Variants in ACAP2 observed in about 807,000 individuals in gnomAD.
ACAP2 encodes arf-GAP with coiled-coil, ANK repeat and PH domain-containing protein 2.
ACAP2 carries 39 observed loss-of-function variants against 115.8 expected under a neutral mutation model. The ratio of observed to expected loss-of-function variants is 0.34; its 90% CI spans 0.26 to 0.44. The LOEUF is 0.44. Among genes scored for constraint, ACAP2 ranks in the 20% least tolerant of loss-of-function variants. ACAP2 has a pLI of 1.00. For synonymous variants in ACAP2, 289 were observed against 315.8 expected, an observed-to-expected ratio of 0.92 and a Z score of 0.90; for missense variants, 662 against 927.6, an observed-to-expected ratio of 0.71 and a Z score of 3.72.
In ACAP2 at chr3:195,356,247, C is replaced by T. The variant is rs753311685; in HGVS notation, c.286-10930G>A. 40 of 454,208 alleles carry T rather than the reference C, an allele frequency of 8.8e-5. 1 individual carries two copies. The highest frequency in any genetic ancestry group is 6.6e-4 in the Admixed American group (28 of 42,454). The allele number at this position is 454,208 out of a possible 1,614,324, so 28.1% of individuals were successfully genotyped here. ...AGCCGGAACGCAGTGCTGCCAATCCCGGCAGAACTCAGCCAATGCCAATGA... is the reference window on the plus strand; with the variant it reads ...AGCCGGAACGCAGTGCTGCCAATCCTGGCAGAACTCAGCCAATGCCAATGA... On this transcript the variant is annotated intron_variant, in intron 4 of 22. Coordinates refer to ENST00000326793, the MANE Select transcript of ACAP2 (RefSeq NM_012287.6).
At position 195,330,529 on chromosome 3, in the gene ACAP2, C is replaced by A. The variant is rs547560116; in HGVS notation, c.669+2499G>T. 2.6e-5 allele frequency among the ~76,000 whole-genome samples: 4 copies of A among 152,236 alleles called. No individual in the cohort carries two copies. In the South Asian group the frequency reaches 8.3e-4, roughly 32 times the overall value. On this transcript the variant is annotated intron_variant, in intron 8 of 22. Coordinates refer to ENST00000326793, the MANE Select transcript of ACAP2 (RefSeq NM_012287.6). Reference sequence around the variant, plus strand: ...AATTACACTGAACATAAGATGAGAGCGCAATCTAATATTTGATAGTGTGTG... The same window carrying A: ...AATTACACTGAACATAAGATGAGAGAGCAATCTAATATTTGATAGTGTGTG...
intron 1 of ACAP2, among the ~76,000 whole-genome samples, chr3:195,415,028 A>C (rs888709657): frequency 6.6e-6 from 1 of 152,194 alleles, no homozygotes. Flanking sequence ...CAGCGAAACT[A>C]ACTGCATGAT....
chr3:195,422,017 G>C (rs1423410653), intron 1 of ACAP2, among the ~76,000 whole-genome samples: 2 of 152,030 alleles, frequency 1.3e-5, no homozygotes, highest in Non-Finnish European at 2.9e-5. Flanking sequence ...TTGGATACCA[G>C]ACAACTTTCA....
intron 1 of ACAP2, among the ~76,000 whole-genome samples, chr3:195,405,908 T>C (rs973311532): frequency 6.6e-6 from 1 of 152,030 alleles, no homozygotes; most frequent in African/African-American, 2.4e-5. Flanking sequence ...AAACAGATCT[T>C]GTGAGAACTT....
intron 6 of ACAP2, among the ~76,000 whole-genome samples, chr3:195,338,209 G>C (rs537832984): frequency 6.6e-6 from 1 of 152,232 alleles, no homozygotes; most frequent in East Asian, 1.9e-4. Context: ...GTAAATTCTA[G>C]TGAGACCAGG....
Position 195,393,888 on chromosome 3 carries a change from G to A in ACAP2, c.54-1741C>T, listed in dbSNP as rs868017368. On this transcript the variant is annotated intron_variant, in intron 1 of 22. Transcript: ENST00000326793. Reference sequence around the variant, plus strand: ...GCACAGGATAGAGTATTATATTGGGGGGGGGGGAAGCAAGCTACAAAATTA... The same window carrying A: ...GCACAGGATAGAGTATTATATTGGGAGGGGGGGAAGCAAGCTACAAAATTA... Among the ~76,000 whole-genome samples the A allele has an allele frequency of 3.9e-4, 57 of 147,018 alleles. No individual in the cohort carries two copies. The Middle Eastern group carries it at 0.017, about 45-fold the overall frequency.
chr3:195,420,542 G>A (rs1409787821), intron 1 of ACAP2, among the ~76,000 whole-genome samples: 1 of 151,988 alleles, frequency 6.6e-6, no homozygotes, highest in Non-Finnish European at 1.5e-5. Flanking sequence ...TAGAGATGGG[G>A]TTTCACCGTG....
chr3:195,437,931 A>G (rs1715683222), intron 1 of ACAP2, among the ~76,000 whole-genome samples: 1 of 107,366 alleles, frequency 9.3e-6, no homozygotes, highest in Middle Eastern at 0.011. Flanking sequence ...CAAGGTCTCT[A>G]TGTTGCCCAG....
chr3:195,431,159 TATTTC>T (rs1046594211), intron 1 of ACAP2, among the ~76,000 whole-genome samples: 18 of 152,228 alleles, frequency 1.2e-4, no homozygotes, highest in Non-Finnish European at 2.4e-4. Flanking sequence ...GTGTTTGGCT[TATTTC>T]ATTTAGTAAA....
At chr3:195,396,181 G>A (rs1019189445) in intron 1 of ACAP2, among the ~76,000 whole-genome samples, 3 of 151,752 alleles carry the variant, frequency 2.0e-5, no homozygotes, top group African/African-American at 7.3e-5. Context: ...AACCCAGGAG[G>A]TGGAGATTGC....
intron 1 of ACAP2, among the ~76,000 whole-genome samples, chr3:195,431,134 T>C (rs764557346): frequency 1.3e-5 from 2 of 152,232 alleles, no homozygotes; most frequent in South Asian, 4.1e-4. Context: ...TAAAATTATA[T>C]AATATATGGC....
intron 1 of ACAP2, among the ~76,000 whole-genome samples, chr3:195,440,413 T>C (rs1715908684): frequency 6.6e-6 from 1 of 152,204 alleles, no homozygotes; most frequent in Admixed American, 6.5e-5. Flanking sequence ...GTGGTGAAAT[T>C]TTCATCAGCA....
intron 1 of ACAP2, chr3:195,419,359 T>C (rs758896114): frequency 1.3e-5 from 2 of 152,166 alleles, no homozygotes; most frequent in African/African-American, 2.4e-5. Flanking sequence ...TCCAAATACA[T>C]AGGATTTGAA....
At chr3:195,433,795 T>C (rs1464086706) in intron 1 of ACAP2, among the ~76,000 whole-genome samples, 1 of 152,268 alleles carries the variant, frequency 6.6e-6, no homozygotes, top group Non-Finnish European at 1.5e-5. Flanking sequence ...GGGATAACTA[T>C]GACTTGGTCA....
rs1263956541 is a variant in ACAP2 at position 195,336,782 on chromosome 3, C to T, written c.573+150G>A. ...AACATGAAGGAGACAAAAAGAAGTC[C>T]AGTGCCACATAAGAAACACAAATGA... On this transcript the variant is annotated intron_variant, in intron 7 of 22. Transcript: ENST00000326793. 2.1e-5 allele frequency: 14 copies of T among 675,980 alleles called. No homozygotes were observed. In the South Asian group the frequency reaches 2.5e-4, roughly 12 times the overall value. 41.9% of individuals were successfully genotyped at this position (675,980 alleles called of 1,614,324 possible).
chr3:195,285,852 C>T lies in ACAP2; in HGVS notation c.2180G>A (p.Arg727His), dbSNP rs1726809137. 1 of 1,609,680 alleles carries T rather than the reference C, an allele frequency of 6.2e-7. No individual in the cohort carries two copies. The highest frequency in any genetic ancestry group is 8.5e-7 in the Non-Finnish European group (1 of 1,178,254). The change falls in exon 22 of 23, where the codon CGT becomes CAT. Residue 727 changes from arginine (R) to histidine (H), a missense_variant. Arg to His is a conservative substitution (Grantham distance 29, BLOSUM62 0). Around this residue, in one of 3 missense-constraint regions of ACAP2, gnomAD observed 128 missense variants for 200.2 expected, o/e 0.64. Coordinates refer to ENST00000326793, the MANE Select transcript of ACAP2 (RefSeq NM_012287.6). ...AANADIVTLL[R>H]LARMNEEMRE... ...CATCTCTTCATTCATTCTTGCTAAACGTAACCTAAAAATAAATAAAATAGT... is the reference window on the plus strand; with the variant it reads ...CATCTCTTCATTCATTCTTGCTAAATGTAACCTAAAAATAAATAAAATAGT...
At chr3:195,297,935 T>C (rs1727759260) in intron 15 of ACAP2, among the ~76,000 whole-genome samples, 1 of 152,228 alleles carries the variant, frequency 6.6e-6, no homozygotes, top group African/African-American at 2.4e-5. Context: ...TGTACCTTCT[T>C]AGCTAATCTT....
intron 13 of ACAP2, among the ~76,000 whole-genome samples, chr3:195,305,472 TGG>T (rs1728361133): frequency 6.6e-6 from 1 of 152,172 alleles, no homozygotes; most frequent in African/African-American, 2.4e-5. Context: ...CAGATATGCA[TGG>T]AATCACAAAT....
chr3:195,372,913 G>A (rs895828866), intron 4 of ACAP2, among the ~76,000 whole-genome samples: 2 of 148,018 alleles, frequency 1.4e-5, no homozygotes, highest in African/African-American at 2.5e-5. Context: ...GCATGAACCC[G>A]GGAGGCGGAG....
Sources: allele counts gnomAD v4.1 joint callset (sites outside exome capture counted in the v4.1 genomes callset), GRCh38; gene constraint gnomAD v4.1.1; regional missense constraint gnomAD v4.1.1; transcripts MANE v1.5; gene names NCBI Gene and HGNC (gene_info 2026-07-23, HGNC 2026-07-21).